CAMTA1: variants seen among roughly 807,000 people sequenced by gnomAD.
CAMTA1 encodes calmodulin binding transcription activator 1, also known as calmodulin-binding transcription activator 1.
Under a neutral mutation model 170.9 loss-of-function variants are expected in CAMTA1, and 27 were observed. The ratio of observed to expected loss-of-function variants is 0.16; its 90% CI spans 0.12 to 0.22. CAMTA1 has a LOEUF of 0.22. Among genes scored for constraint, CAMTA1 ranks in the 10% least tolerant of loss-of-function variants. The probability of loss-of-function intolerance (pLI) is 1.00; values close to 1 mark genes in which losing one functional copy is unlikely to be tolerated. For synonymous variants in CAMTA1, 833 were observed against 891.5 expected (o/e 0.93, Z 1.17); for missense variants, 1,619 against 2,217.2 (o/e 0.73, Z 5.42).
In CAMTA1 at chr1:7,454,022, T is replaced by G. The variant is rs915312386; in HGVS notation, c.439-13808T>G. On this transcript the variant is annotated intron_variant, in intron 5 of 22. Coordinates refer to ENST00000303635, the MANE Select transcript of CAMTA1 (RefSeq NM_015215.4). ...GCGGAACCAGGGAGGATCTGACATT[T>G]TTATAAAAGGAGGTCCCTGTGCTCA... Among the ~76,000 whole-genome samples, 21 of 152,216 alleles carry G rather than the reference T, an allele frequency of 1.4e-4. 1 individual carries two copies. Among genetic ancestry groups the G allele is most frequent in the Admixed American group, 1.4e-3 (21 of 15,290 alleles).
At chr1:7,116,419 C>T (rs1007802472) in intron 4 of CAMTA1, among the ~76,000 whole-genome samples, 1 of 152,136 alleles carries the variant, frequency 6.6e-6, no homozygotes, top group African/African-American at 2.4e-5. Flanking sequence ...TCTCTTTTCA[C>T]AGATCACCTT....
chr1:7,483,873 C>T (rs1044950380), intron 6 of CAMTA1, among the ~76,000 whole-genome samples: 2 of 152,042 alleles, frequency 1.3e-5, no homozygotes, highest in Admixed American at 6.5e-5. Context: ...CCTGACCTGG[C>T]TCCCGTGAGC....
At chr1:7,349,233 C>T (rs1326274244) in intron 5 of CAMTA1, among the ~76,000 whole-genome samples, 1 of 152,246 alleles carries the variant, frequency 6.6e-6, no homozygotes. Context: ...ATTTATTTAT[C>T]GCCATTCTTT....
At chr1:7,606,836 C>A (rs2095490100) in intron 6 of CAMTA1, among the ~76,000 whole-genome samples, 1 of 152,128 alleles carries the variant, frequency 6.6e-6, no homozygotes, top group Non-Finnish European at 1.5e-5. Flanking sequence ...GTTTGGAGCC[C>A]CTGGGATGGC....
At chr1:7,159,175 A>C (rs1647060574) in intron 4 of CAMTA1, among the ~76,000 whole-genome samples, 1 of 152,086 alleles carries the variant, frequency 6.6e-6, no homozygotes, top group South Asian at 2.1e-4. Flanking sequence ...TTTGGGCCTA[A>C]GATGGGCTGC....
intron 3 of CAMTA1, among the ~76,000 whole-genome samples, chr1:6,966,941 T>A (rs917032408): frequency 9.4e-5 from 14 of 149,136 alleles, no homozygotes; most frequent in Non-Finnish European, 1.5e-4. Context: ...AAGATACTCA[T>A]GAAAAAATTC....
Position 7,751,277 on chromosome 1 carries a change from T to C in CAMTA1, c.4768T>C (p.Phe1590Leu). 6.2e-7 allele frequency: 1 copy of C among 1,611,828 alleles called. No individual in the cohort carries two copies. The highest frequency in any genetic ancestry group is 8.5e-7 in the Non-Finnish European group (1 of 1,179,510). ...CCGAAGTTACTATGAACAAAAAAAA[T>C]TCCAGCAGAGCCGACGGGCTGCTGT... is the stretch of plus-strand genomic sequence containing the variant. The part of the protein sequence containing the change: ...KFRSYYEQKK[F>L]QQSRRAAVLI... The change falls in exon 20 of 23, where the codon TTC becomes CTC. Residue 1590 changes from phenylalanine to leucine, a missense_variant. By Grantham distance (22) the Phe-to-Leu change is conservative. Transcript: ENST00000303635.
intron 6 of CAMTA1, among the ~76,000 whole-genome samples, chr1:7,488,728 A>G (rs2093656775): frequency 6.6e-6 from 1 of 152,186 alleles, no homozygotes; most frequent in Admixed American, 6.5e-5. Flanking sequence ...CCCATAGTAC[A>G]CATAAATGTA....
At chr1:7,589,502 C>T (rs1026136516) in intron 6 of CAMTA1, among the ~76,000 whole-genome samples, 10 of 152,314 alleles carry the variant, frequency 6.6e-5, no homozygotes, top group African/African-American at 2.4e-4. Flanking sequence ...GCAGTCAGCG[C>T]TTGTGGCTTG....
At chr1:7,285,655 C>G (rs1219114703) in intron 5 of CAMTA1, among the ~76,000 whole-genome samples, 1 of 152,170 alleles carries the variant, frequency 6.6e-6, no homozygotes, top group East Asian at 1.9e-4. Context: ...ACCCTCTAAC[C>G]TAAACATCAC....
chr1:6,924,855 A>G (rs1462432915), intron 3 of CAMTA1, among the ~76,000 whole-genome samples: 1 of 152,186 alleles, frequency 6.6e-6, no homozygotes, highest in Non-Finnish European at 1.5e-5. Flanking sequence ...AATCTTGCAA[A>G]TAGTGATTTT....
At chr1:7,605,730 G>A (rs796799015) in intron 6 of CAMTA1, among the ~76,000 whole-genome samples, 63 of 152,294 alleles carry the variant, frequency 4.1e-4, no homozygotes, top group African/African-American at 1.5e-3. Flanking sequence ...AGATGAACCC[G>A]GTACCTCAGT....
intron 3 of CAMTA1, among the ~76,000 whole-genome samples, chr1:6,987,022 T>C (rs888746506): frequency 2.0e-5 from 3 of 151,398 alleles, no homozygotes; most frequent in African/African-American, 7.3e-5. Flanking sequence ...CCCATGCTCA[T>C]TTGTGTGTCT....
At chr1:7,529,165 G>A (rs2094463167) in intron 6 of CAMTA1, among the ~76,000 whole-genome samples, 2 of 152,194 alleles carry the variant, frequency 1.3e-5, no homozygotes, top group Non-Finnish European at 2.9e-5. Flanking sequence ...GAAAGGTCAG[G>A]ACAGCCTACA....
At chr1:6,803,237 A>C (rs1413327727) in intron 1 of CAMTA1, among the ~76,000 whole-genome samples, 1 of 152,168 alleles carries the variant, frequency 6.6e-6, no homozygotes, top group Non-Finnish European at 1.5e-5. Context: ...TGGGTCGGTA[A>C]ACATAAAAGG....
intron 3 of CAMTA1, among the ~76,000 whole-genome samples, chr1:6,963,852 C>T (rs1050411093): frequency 1.3e-5 from 2 of 152,226 alleles, no homozygotes; most frequent in African/African-American, 4.8e-5. Context: ...TGGGAAAGGG[C>T]CAGGGCCCTT....
chr1:6,829,455 G>T (rs1225907073), intron 3 of CAMTA1, among the ~76,000 whole-genome samples: 1 of 152,134 alleles, frequency 6.6e-6, no homozygotes, highest in Non-Finnish European at 1.5e-5. Context: ...ATTTTAGATT[G>T]TGCTCCCGCA....
At chr1:7,279,661 G>A (rs1671233844) in intron 5 of CAMTA1, among the ~76,000 whole-genome samples, 1 of 152,170 alleles carries the variant, frequency 6.6e-6, no homozygotes, top group Admixed American at 6.5e-5. Context: ...GCACCGTGCC[G>A]AGGGCCAAGC....
At chr1:7,538,929 G>T (rs537685219) in intron 6 of CAMTA1, among the ~76,000 whole-genome samples, 1 of 152,122 alleles carries the variant, frequency 6.6e-6, no homozygotes, top group South Asian at 2.1e-4. Context: ...GTACCCAAGC[G>T]CTGAACTACT....
Sources: allele counts gnomAD v4.1 joint callset (sites outside exome capture counted in the v4.1 genomes callset), GRCh38; gene constraint gnomAD v4.1.1; transcripts MANE v1.5; gene names NCBI Gene and HGNC (gene_info 2026-07-23, HGNC 2026-07-21).